KLHL6: variants seen among roughly 807,000 people sequenced by gnomAD.
The protein encoded by KLHL6 is kelch-like protein 6.
A neutral mutation model predicts 58.6 loss-of-function variants in KLHL6; 41 were observed. The observed-to-expected ratio is 0.70, with a 90% CI of 0.55 to 0.91. The LOEUF (loss-of-function observed/expected upper bound fraction) is 0.91. Ranked by LOEUF, KLHL6 falls within the 40% of genes least tolerant of loss-of-function variation. KLHL6 has a pLI of 0.00. For synonymous variants in KLHL6, 338 were observed against 322.7 expected (o/e 1.05, Z -0.51); for missense variants, 714 against 805.6 (o/e 0.89, Z 1.38).
At position 183,499,243 on chromosome 3, in the gene KLHL6, G is replaced by A. The variant is rs1717798963; in HGVS notation, c.1147+347C>T. On this transcript the variant is annotated intron_variant, in intron 4 of 6. Coordinates refer to ENST00000341319, the MANE Select transcript of KLHL6 (RefSeq NM_130446.4). This position sits in a 1 kb window ranked among gnomAD's most constrained non-coding sequence, Gnocchi z 4.6. Reference sequence around the variant, plus strand: ...TGATTGTAATCCCAGCTACTCGGGAGGGTGAGGCAGGAGGGTCACTTGAAC... The same window carrying A: ...TGATTGTAATCCCAGCTACTCGGGAAGGTGAGGCAGGAGGGTCACTTGAAC... 6.6e-6 allele frequency among the ~76,000 whole-genome samples: 1 copy of A among 152,166 alleles called. No homozygotes were observed. The highest frequency in any genetic ancestry group is 2.4e-5 in the African/African-American group (1 of 41,438).
At chr3:183,546,324 A>C (rs1165329478) in intron 1 of KLHL6, among the ~76,000 whole-genome samples, 3 of 152,160 alleles carry the variant, frequency 2.0e-5, no homozygotes, top group Admixed American at 6.5e-5. Context: ...AGGCCTAGCA[A>C]ATAGTTTTGA....
At chr3:183,515,703 C>T (rs980639412) in intron 2 of KLHL6, among the ~76,000 whole-genome samples, 4 of 152,194 alleles carry the variant, frequency 2.6e-5, no homozygotes, top group Non-Finnish European at 5.9e-5. Context: ...ACCTTGCTTT[C>T]CCCTTTTGTG....
intron 1 of KLHL6, among the ~76,000 whole-genome samples, chr3:183,531,443 G>GTTTTTTTTTTTTTTTTT (rs59579259): frequency 1.3e-4 from 12 of 90,350 alleles, no homozygotes; most frequent in East Asian, 7.1e-4. Flanking sequence ...TTTTGTCTGT[G>GTTTTTTTTTTTTTTTTT]TTTTTTTTTT....
chr3:183,504,027 CT>C (rs1231493615), intron 3 of KLHL6, among the ~76,000 whole-genome samples: 1 of 151,946 alleles, frequency 6.6e-6, no homozygotes, highest in East Asian at 1.9e-4. Context: ...GTTGTCCAAA[CT>C]ATAAAATGAA....
chr3:183,540,528 G>T (rs1189911183), intron 1 of KLHL6, among the ~76,000 whole-genome samples: 1 of 152,068 alleles, frequency 6.6e-6, no homozygotes, highest in Non-Finnish European at 1.5e-5. Context: ...AAATCCCAGC[G>T]ATTCTCTGAA....
At chr3:183,502,660 T>G (rs551551211) in intron 3 of KLHL6, among the ~76,000 whole-genome samples, 1 of 152,332 alleles carries the variant, frequency 6.6e-6, no homozygotes, top group Admixed American at 6.5e-5. Flanking sequence ...AAGGATCTGA[T>G]GCCTGCCAAC....
chr3:183,546,932 C>T (rs994494863), intron 1 of KLHL6, among the ~76,000 whole-genome samples: 2 of 115,510 alleles, frequency 1.7e-5, no homozygotes, highest in South Asian at 2.8e-4. Flanking sequence ...TTTTTTTTGA[C>T]GGAATCTCTC....
intron 1 of KLHL6, among the ~76,000 whole-genome samples, chr3:183,546,819 C>T (rs1214307041): frequency 2.0e-5 from 3 of 151,902 alleles, no homozygotes; most frequent in Non-Finnish European, 2.9e-5. Flanking sequence ...TTGTAGACAT[C>T]GGCGTTGAGC....
At chr3:183,528,469 G>A (rs1712052863) in intron 1 of KLHL6, among the ~76,000 whole-genome samples, 1 of 152,214 alleles carries the variant, frequency 6.6e-6, no homozygotes, top group Non-Finnish European at 1.5e-5. Context: ...TCCTGTAGCT[G>A]CCTCTCACCC....
intron 2 of KLHL6, chr3:183,520,720 G>C (rs1349511129): frequency 1.3e-5 from 2 of 152,044 alleles, no homozygotes; most frequent in Non-Finnish European, 2.9e-5. Context: ...TCTCAGTGTA[G>C]TAAAGAGCAA....
chr3:183,548,655 T>C (rs1454060245), intron 1 of KLHL6: 2 of 152,212 alleles, frequency 1.3e-5, no homozygotes, highest in Non-Finnish European at 2.9e-5. Context: ...AATTACTGCA[T>C]GGCAGAAAAG....
At chr3:183,529,173 G>T (rs1483032781) in intron 1 of KLHL6, among the ~76,000 whole-genome samples, 1 of 152,106 alleles carries the variant, frequency 6.6e-6, no homozygotes, top group Non-Finnish European at 1.5e-5. Flanking sequence ...AAGAGGGAGA[G>T]GATCAGGAAA....
At chr3:183,507,634 C>G (rs1343947723) in intron 3 of KLHL6, among the ~76,000 whole-genome samples, 1 of 152,042 alleles carries the variant, frequency 6.6e-6, no homozygotes, top group Non-Finnish European at 1.5e-5. Flanking sequence ...AGGGTTTCAC[C>G]ATGTTGGCCA....
intron 1 of KLHL6, among the ~76,000 whole-genome samples, chr3:183,554,124 T>C (rs1713026130): frequency 1.3e-5 from 2 of 152,240 alleles, no homozygotes; most frequent in South Asian, 4.1e-4. Flanking sequence ...TCCCAAATAC[T>C]TTCTTCATTA....
rs1268939563 is a variant in KLHL6 at position 183,499,667 on chromosome 3, T to C, written c.1070A>G (p.Glu357Gly). Residue 357 changes from glutamate (E) to glycine (G), a missense_variant, in exon 4 of 7, where the codon GAG (glutamate) becomes GGG (glycine). By Grantham distance (98) the Glu-to-Gly change is moderately conservative (BLOSUM62 -2). Coordinates refer to ENST00000341319, the MANE Select transcript of KLHL6 (RefSeq NM_130446.4). This position sits in a 1 kb window ranked among gnomAD's most constrained non-coding sequence, Gnocchi z 4.6. ...RLEVAKLPLT[E>G]HELESENKKW... is the part of the protein sequence containing the mutation. ...CTTATTCTCACTCTCCAGCTCATGCTCTGTTAGCGGGAGCTTGGCCACCTC... is the reference window on the plus strand; with the variant it reads ...CTTATTCTCACTCTCCAGCTCATGCCCTGTTAGCGGGAGCTTGGCCACCTC... The C allele has an allele frequency of 5.0e-6, 8 of 1,611,610 alleles. No homozygotes were observed. The highest frequency in any genetic ancestry group is 6.8e-6 in the Non-Finnish European group (8 of 1,179,088).
chr3:183,524,593 TGCC>T (rs1711887708), intron 2 of KLHL6, among the ~76,000 whole-genome samples: 1 of 152,218 alleles, frequency 6.6e-6, no homozygotes, highest in Non-Finnish European at 1.5e-5. Flanking sequence ...CTCATGACGT[TGCC>T]TGGCCTGGTA....
intron 2 of KLHL6, among the ~76,000 whole-genome samples, chr3:183,513,913 C>A (rs1718258294): frequency 6.6e-6 from 1 of 152,166 alleles, no homozygotes; most frequent in Non-Finnish European, 1.5e-5. Context: ...ATGTTCCCCT[C>A]CCCGTGTCCA....
intron 2 of KLHL6, chr3:183,520,582 G>A (rs1326726140): frequency 2.0e-5 from 3 of 151,926 alleles, no homozygotes; most frequent in Non-Finnish European, 4.4e-5. Context: ...GGACTATAGG[G>A]TAATGGTGGG....
chr3:183,532,486 T>C (rs141780854), intron 1 of KLHL6, among the ~76,000 whole-genome samples: 1 of 152,322 alleles, frequency 6.6e-6, no homozygotes, highest in East Asian at 1.9e-4. Flanking sequence ...GTTCACAAAC[T>C]AGCAAGGGCA....
Sources: gnomAD v4.1 joint callset for allele counts (sites outside exome capture counted in the v4.1 genomes callset) on GRCh38, gnomAD v4.1.1 for gene constraint, Gnocchi (gnomAD v3.1) non-coding constraint, MANE v1.5 for transcripts, NCBI Gene and HGNC (gene_info 2026-07-23, HGNC 2026-07-21) for gene names.